Variants in ZNF268 observed in about 807,000 individuals in gnomAD.
The protein encoded by ZNF268 is zinc finger protein 3.
A neutral mutation model predicts 29.3 loss-of-function variants in ZNF268; 20 were observed. The ratio of observed to expected loss-of-function variants is 0.68; its 90% CI spans 0.48 to 0.99. The LOEUF (loss-of-function observed/expected upper bound fraction) is 0.99. Ranked by LOEUF, ZNF268 falls within the 50% of genes least tolerant of loss-of-function variation. The pLI is 0.00. For missense variants in ZNF268, 1,240 were observed against 1,121.6 expected (o/e 1.11, Z -1.51); for synonymous variants, 429 against 376.9 (o/e 1.14, Z -1.60).
rs1956953866 is a variant in ZNF268 at position 133,209,913 on chromosome 12, G to T, written c.*5383G>T. 1 of 152,246 alleles carries T rather than the reference G, an allele frequency of 6.6e-6. No individual in the cohort carries two copies. Among genetic ancestry groups the T allele is most frequent in the Non-Finnish European group, 1.5e-5 (1 of 68,070 alleles). The allele number at this position is 152,246 out of a possible 1,614,324, so 9.4% of individuals were successfully genotyped here. A position where few individuals can be genotyped will look rare whatever the true frequency, so the allele number is the denominator to read the frequency against. On this transcript the variant is annotated 3_prime_UTR_variant, in exon 6 of 6. Coordinates refer to ENST00000536435, the MANE Select transcript of ZNF268 (RefSeq NM_003415.3). ...GCTGTTCATCCCCAACTTTGACCTG[G>T]ACTGTTGCAGTGTTTTGTCGCAGTG...
chr12:133,196,820 G>A (rs1956612135), intron 5 of ZNF268, among the ~76,000 whole-genome samples: 1 of 152,138 alleles, frequency 6.6e-6, no homozygotes, highest in South Asian at 2.1e-4. Flanking sequence ...CCCCAGTGGG[G>A]AATTGATGTT....
rs1183085702 is a variant in ZNF268 at position 133,204,786 on chromosome 12, T to A, written c.*256T>A. 2.1e-5 allele frequency: 8 copies of A among 379,092 alleles called. No homozygotes were observed. The highest frequency in any genetic ancestry group is 8.3e-5 in the Admixed American group (2 of 24,198). The allele number at this position is 379,092 out of a possible 1,614,324, so 23.5% of individuals were successfully genotyped here. A position where few individuals can be genotyped will look rare whatever the true frequency, so the allele number is the denominator to read the frequency against. On this transcript the variant is annotated 3_prime_UTR_variant, in exon 6 of 6. Transcript: ENST00000536435. ...TTTAGCAGCAAGTCATACCTTTTTTTAAAAAGTTCATACAGGTGAGGAACC... is the reference window on the plus strand; with the variant it reads ...TTTAGCAGCAAGTCATACCTTTTTTAAAAAAGTTCATACAGGTGAGGAACC...
intron 2 of ZNF268, 66 bp downstream of exon 2, chr12:133,182,096 C>G (rs1956191577): frequency 2.0e-6 from 3 of 1,484,098 alleles, no homozygotes; most frequent in African/African-American, 1.4e-5. Flanking sequence ...CGCACTCCAT[C>G]TACTCCAGTC....
chr12:133,181,928 C>T lies in ZNF268; in HGVS notation c.-52-18C>T, dbSNP rs773837282. On this transcript the variant is annotated intron_variant, in intron 1 of 5. Coordinates refer to ENST00000536435, the MANE Select transcript of ZNF268 (RefSeq NM_003415.3). Reference sequence around the variant, plus strand: ...GACTGCTGGGTGACCTCTTTCTTCACTGTGCTCTCTCTTCTAGCATCCCTC... The same window carrying T: ...GACTGCTGGGTGACCTCTTTCTTCATTGTGCTCTCTCTTCTAGCATCCCTC... 3.9e-6 allele frequency: 6 copies of T among 1,522,860 alleles called. No homozygotes were observed. Among genetic ancestry groups the T allele is most frequent in the East Asian group, 2.5e-5 (1 of 40,756 alleles). 94.3% of individuals were successfully genotyped at this position (1,522,860 alleles called of 1,614,324 possible). A position where few individuals can be genotyped will look rare whatever the true frequency, so the allele number is the denominator to read the frequency against.
At chr12:133,187,841 C>T (rs573573567) in intron 2 of ZNF268, 31 bp from the exon 3 acceptor site, 20 of 1,554,494 alleles carry the variant, frequency 1.3e-5, no homozygotes, top group African/African-American at 2.7e-5. Flanking sequence ...AAATAATGCT[C>T]GCTAAAGTAA....
At position 133,182,048 on chromosome 12, in the gene ZNF268, T is replaced by G. The variant is rs1453029980; in HGVS notation, c.33+18T>G. 6.4e-7 allele frequency: 1 copy of G among 1,555,752 alleles called. No homozygotes were observed. Among genetic ancestry groups the G allele is most frequent in the East Asian group, 2.4e-5 (1 of 41,326 alleles). On this transcript the variant is annotated intron_variant, in intron 2 of 5. Transcript: ENST00000536435. ...CTATTTGGGTGAGTAGGGGTTTTCTTTCATTCTTGAAAAGCTCTCCCTGAA... is the reference window on the plus strand; with the variant it reads ...CTATTTGGGTGAGTAGGGGTTTTCTGTCATTCTTGAAAAGCTCTCCCTGAA...
At chr12:133,199,519 C>A (rs369362716) in intron 5 of ZNF268, among the ~76,000 whole-genome samples, 4 of 151,386 alleles carry the variant, frequency 2.6e-5, no homozygotes, top group Admixed American at 1.3e-4. Flanking sequence ...TGTCTCTGCC[C>A]GGCTTTGGTA....
At position 133,212,506 on chromosome 12, in the gene ZNF268, TACAC is replaced by T. The variant is rs1329175211; in HGVS notation, c.*7984_*7987del. The T allele has an allele frequency of 1.7e-4, 7 of 41,946 alleles. No homozygotes were observed. The highest frequency in any genetic ancestry group is 1.1e-3 in the South Asian group (1 of 932). 2.6% of individuals were successfully genotyped at this position (41,946 alleles called of 1,614,324 possible). On this transcript the variant is annotated 3_prime_UTR_variant, in exon 6 of 6. Coordinates refer to ENST00000536435, the MANE Select transcript of ZNF268 (RefSeq NM_003415.3). ...ATATATATATATATATATGTATATA[TACAC>T]ACACACATACACACATATATACACA...
In ZNF268 at chr12:133,202,436, A is replaced by T. The variant is rs1045937796; in HGVS notation, c.750A>T (p.Glu250Asp). The part of the protein sequence containing the change: ...EQTVIGIKYC[E>D]SIESGKTVNK... Reference sequence around the variant, plus strand: ...CTGTTATTGGAATAAAATACTGTGAAAGTATTGAATCTGGAAAAACCGTCA... The same window carrying T: ...CTGTTATTGGAATAAAATACTGTGATAGTATTGAATCTGGAAAAACCGTCA... Residue 250 changes from glutamate (E) to aspartate (D), a missense_variant, in exon 6 of 6, where the codon GAA becomes GAT. Coordinates refer to ENST00000536435, the MANE Select transcript of ZNF268 (RefSeq NM_003415.3). The T allele has an allele frequency of 7.4e-6, 12 of 1,611,010 alleles. No individual in the cohort carries two copies. The highest frequency in any genetic ancestry group is 2.2e-5 in the East Asian group (1 of 44,846).
intron 2 of ZNF268, among the ~76,000 whole-genome samples, chr12:133,184,306 T>C (rs1188399469): frequency 6.6e-6 from 1 of 151,980 alleles, no homozygotes; most frequent in Non-Finnish European, 1.5e-5. Flanking sequence ...GTGGTTTCAT[T>C]GTGTTGGCCA....
In ZNF268 at chr12:133,210,123, T is replaced by G. The variant is rs1356618834; in HGVS notation, c.*5593T>G. 1 of 152,258 alleles carries G rather than the reference T, an allele frequency of 6.6e-6. No homozygotes were observed. Among genetic ancestry groups the G allele is most frequent in the Non-Finnish European group, 1.5e-5 (1 of 68,110 alleles). The allele number at this position is 152,258 out of a possible 1,614,324, so 9.4% of individuals were successfully genotyped here. ...AAAGCTCCCTCCTCAGCACTCAGGG[T>G]GCAGGCCTCACTTTTCCTCATCTTT... is the stretch of plus-strand genomic sequence containing the variant. On this transcript the variant is annotated 3_prime_UTR_variant, in exon 6 of 6. Coordinates refer to ENST00000536435, the MANE Select transcript of ZNF268 (RefSeq NM_003415.3).
intron 5 of ZNF268, among the ~76,000 whole-genome samples, chr12:133,194,844 A>G (rs1280315040): frequency 2.0e-5 from 3 of 152,232 alleles, no homozygotes; most frequent in Non-Finnish European, 4.4e-5. Flanking sequence ...TTGGCCAGGC[A>G]GCACCTGTCA....
At chr12:133,187,717 G>A (rs1393433340) in intron 2 of ZNF268, 155 bp from the exon 3 acceptor site, 2 of 711,040 alleles carry the variant, frequency 2.8e-6, no homozygotes, top group Non-Finnish European at 4.6e-6. Context: ...TTGTCAGGAA[G>A]CCATTTCTTT....
intron 5 of ZNF268, among the ~76,000 whole-genome samples, chr12:133,197,305 G>C (rs1956635288): frequency 6.8e-6 from 1 of 147,718 alleles, no homozygotes; most frequent in African/African-American, 2.5e-5. Context: ...TTTTGTTCTT[G>C]CGATAGTTTA....
rs1246824117 is a variant in ZNF268 at position 133,211,512 on chromosome 12, G to C, written c.*6982G>C. ...GAGGCAGGAGAATGGCTTGAACCCGGGAGGCGGAGGTTGCTGTGAGCCGAG... is the reference window on the plus strand; with the variant it reads ...GAGGCAGGAGAATGGCTTGAACCCGCGAGGCGGAGGTTGCTGTGAGCCGAG... On this transcript the variant is annotated 3_prime_UTR_variant, in exon 6 of 6. Coordinates refer to ENST00000536435, the MANE Select transcript of ZNF268 (RefSeq NM_003415.3). 6.2e-6 allele frequency: 1 copy of C among 161,068 alleles called. No individual in the cohort carries two copies. The highest frequency in any genetic ancestry group is 2.4e-5 in the African/African-American group (1 of 41,396). The allele number at this position is 161,068 out of a possible 1,614,324, so 10.0% of individuals were successfully genotyped here. A position where few individuals can be genotyped will look rare whatever the true frequency, so the allele number is the denominator to read the frequency against.
rs537644922 is a variant in ZNF268, at chr12:133,211,145, A to T, written c.*6615A>T. 2.1e-3 allele frequency: 802 copies of T among 381,006 alleles called. 2 individuals are homozygous for T. The highest frequency in any genetic ancestry group is 3.2e-3 in the Non-Finnish European group (595 of 188,808). 23.6% of individuals were successfully genotyped at this position (381,006 alleles called of 1,614,324 possible). A position where few individuals can be genotyped will look rare whatever the true frequency, so the allele number is the denominator to read the frequency against. The stretch of plus-strand genomic sequence containing the variant: ...ATATTTGAAATAATGTATAGCAATA[A>T]TTGGAATTTGTAATGAATAAAATCA... On this transcript the variant is annotated 3_prime_UTR_variant, in exon 6 of 6. Coordinates refer to ENST00000536435, the MANE Select transcript of ZNF268 (RefSeq NM_003415.3).
intron 5 of ZNF268, among the ~76,000 whole-genome samples, chr12:133,192,833 G>A (rs1021138728): frequency 1.3e-5 from 2 of 152,070 alleles, no homozygotes; most frequent in African/African-American, 4.8e-5. Flanking sequence ...CTAATTTCTT[G>A]TATTTTTTGT....
In ZNF268 at chr12:133,202,133, C is replaced by T. The variant is rs1566379931; in HGVS notation, c.458-11C>T. 6.5e-7 allele frequency: 1 copy of T among 1,549,656 alleles called. No homozygotes were observed. Among genetic ancestry groups the T allele is most frequent in the South Asian group, 1.2e-5 (1 of 81,126 alleles). On this transcript the variant is annotated splice_polypyrimidine_tract_variant and intron_variant, in intron 5 of 5. Coordinates refer to ENST00000536435, the MANE Select transcript of ZNF268 (RefSeq NM_003415.3). ...GATTTATAACATGTGACCAATTGTT[C>T]TCATTTCTAGACACAGTCTGGAAAA...
intron 5 of ZNF268, among the ~76,000 whole-genome samples, chr12:133,192,485 T>C (rs7965712): frequency 0.34 from 52,395 of 151,912 alleles, 9,476 homozygotes; most frequent in African/African-American, 0.42. Flanking sequence ...CTCATTTCAT[T>C]GTGCATTTTA....
Sources: allele counts gnomAD v4.1 joint callset (sites outside exome capture counted in the v4.1 genomes callset), GRCh38; gene constraint gnomAD v4.1.1; transcripts MANE v1.5; gene names NCBI Gene and HGNC (gene_info 2026-07-23, HGNC 2026-07-21).